Variants in COL5A2 observed in about 807,000 individuals in gnomAD.
The protein encoded by COL5A2 is collagen type V alpha 2 chain.
A neutral mutation model predicts 208.2 loss-of-function variants in COL5A2; 23 were observed. The observed-to-expected ratio is 0.11, with a 90% confidence interval of 0.08 to 0.16. The LOEUF is 0.16. Among genes scored for constraint, COL5A2 ranks in the 10% least tolerant of loss-of-function variants. COL5A2 has a pLI of 1.00. For missense variants in COL5A2, 1,590 were observed against 1,956.4 expected, an observed-to-expected ratio of 0.81 and a Z score of 3.53; for synonymous variants, 625 against 628.5, an observed-to-expected ratio of 0.99 and a Z score of 0.08.
the COL5A2 span, among the ~76,000 whole-genome samples, chr2:189,254,085 C>T: frequency 2.6e-4 from 39 of 152,328 alleles, no homozygotes; most frequent in Middle Eastern, 0.017. Context: ...CATCCTGGAA[C>T]CTGTAGTGGG....
intron 7 of COL5A2, among the ~76,000 whole-genome samples, chr2:189,091,304 C>T (rs1340912073): frequency 6.6e-6 from 1 of 152,130 alleles, no homozygotes; most frequent in Non-Finnish European, 1.5e-5. Flanking sequence ...TATGAATGAG[C>T]AAAGAAAGTC....
chr2:189,141,512 A>T (rs886438917), intron 1 of COL5A2, among the ~76,000 whole-genome samples: 2 of 152,168 alleles, frequency 1.3e-5, no homozygotes, highest in African/African-American at 4.8e-5. Flanking sequence ...ATATATTAAT[A>T]TATACAATTA....
chr2:189,053,370 T>C, intron 38 of COL5A2, 54 bp downstream of exon 38: 2 of 1,440,958 alleles, frequency 1.4e-6, no homozygotes, highest in Non-Finnish European at 2.0e-6. Context: ...TCATTAAACT[T>C]ATTATAACAA....
the COL5A2 span, among the ~76,000 whole-genome samples, chr2:189,259,533 G>A: frequency 2.0e-5 from 3 of 152,114 alleles, no homozygotes; most frequent in Admixed American, 2.0e-4. Context: ...TCCCCTGTCA[G>A]TGTCTCTCTT....
the COL5A2 span, among the ~76,000 whole-genome samples, chr2:189,266,207 C>G: frequency 2.0e-5 from 3 of 152,084 alleles, no homozygotes; most frequent in Non-Finnish European, 4.4e-5. Context: ...ATGGGCTGAT[C>G]ATGAGGTCAG....
the COL5A2 span, among the ~76,000 whole-genome samples, chr2:189,330,390 C>CA: frequency 1.2e-4 from 18 of 152,206 alleles, no homozygotes; most frequent in Admixed American, 3.3e-4. Context: ...AGCAGCCTAC[C>CA]AAAGGATGGA....
At chr2:189,239,113 G>T in the COL5A2 span, among the ~76,000 whole-genome samples, 1 of 152,018 alleles carries the variant, frequency 6.6e-6, no homozygotes, top group South Asian at 2.1e-4. Flanking sequence ...TTTACAAAAG[G>T]AACTACCAGA....
At chr2:189,391,341 G>A in the COL5A2 span, among the ~76,000 whole-genome samples, 3 of 152,102 alleles carry the variant, frequency 2.0e-5, no homozygotes, top group East Asian at 5.8e-4. Flanking sequence ...TAGGCTGTAT[G>A]GTAGTAGGAA....
chr2:189,413,250 AT>A, the COL5A2 span, among the ~76,000 whole-genome samples: 1 of 152,202 alleles, frequency 6.6e-6, no homozygotes, highest in African/African-American at 2.4e-5. Flanking sequence ...CCCATTGTAG[AT>A]ATAATTCCTC....
the COL5A2 span, among the ~76,000 whole-genome samples, chr2:189,352,142 C>G: frequency 6.6e-6 from 1 of 152,062 alleles, no homozygotes; most frequent in East Asian, 1.9e-4. Context: ...ATCCTTTTTT[C>G]AGGGTTGCAT....
Position 189,068,052 on chromosome 2 carries a change from T to C in COL5A2, c.1364A>G (p.Gln455Arg). Residue 455 changes from glutamine (Q) to arginine (R), a missense_variant, in exon 21 of 54, where the codon CAG (glutamine) becomes CGG (arginine). Gln to Arg is a conservative substitution (Grantham distance 43). Transcript: ENST00000374866. ...AATTCCCTGAGGACCAGTGCTACCC[T>C]GAGGTCCTGGAGATCCAGGAGGCCC... ...SAGPPGSPGP[Q>R]GSTGPQGIRG... 6.2e-7 allele frequency: 1 copy of C among 1,614,076 alleles called. No homozygotes were observed. Among genetic ancestry groups the C allele is most frequent in the Non-Finnish European group, 8.5e-7 (1 of 1,179,984 alleles).
chr2:189,300,304 C>T, the COL5A2 span, among the ~76,000 whole-genome samples: 2 of 152,194 alleles, frequency 1.3e-5, no homozygotes, highest in African/African-American at 2.4e-5. Context: ...ATCCACTCTA[C>T]ACATTCTCAG....
the COL5A2 span, among the ~76,000 whole-genome samples, chr2:189,242,325 C>T: frequency 6.6e-6 from 1 of 152,098 alleles, no homozygotes; most frequent in Non-Finnish European, 1.5e-5. Flanking sequence ...TTGTAAATAA[C>T]CCTGTATGGT....
chr2:189,237,152 C>T, the COL5A2 span, among the ~76,000 whole-genome samples: 2 of 151,686 alleles, frequency 1.3e-5, no homozygotes, highest in Non-Finnish European at 2.9e-5. Context: ...CTGTTTACCT[C>T]AGTTCAAGAA....
Position 189,063,211 on chromosome 2 carries a change from C to G in COL5A2, c.1830G>C (p.Gln610His). The change falls in exon 27 of 54, where the codon CAG becomes CAC. Residue 610 changes from glutamine to histidine, a missense_variant. Gln to His is a conservative substitution (Grantham distance 24). Coordinates refer to ENST00000374866, the MANE Select transcript of COL5A2 (RefSeq NM_000393.5). ...GGCCTGGAAGGCCCATGCTCCCGGG[C>G]TGCCCTCTGATTCCTATGGAGCCTG... ...GPPGSIGIRG[Q>H]PGSMGLPGPK... 6.2e-7 allele frequency: 1 copy of G among 1,614,226 alleles called. No homozygotes were observed. Among genetic ancestry groups the G allele is most frequent in the African/African-American group, 1.3e-5 (1 of 75,052 alleles).
intron 1 of COL5A2, among the ~76,000 whole-genome samples, chr2:189,146,220 A>C (rs1488363773): frequency 6.6e-6 from 1 of 152,186 alleles, no homozygotes; most frequent in Non-Finnish European, 1.5e-5. Flanking sequence ...GAATGAAGAT[A>C]GAATAATTAG....
At chr2:189,170,217 T>G (rs1688546215) in intron 1 of COL5A2, among the ~76,000 whole-genome samples, 1 of 152,174 alleles carries the variant, frequency 6.6e-6, no homozygotes, top group Admixed American at 6.5e-5. Flanking sequence ...AATATGGAAA[T>G]ACAATTTCCA....
chr2:189,257,268 T>C, the COL5A2 span, among the ~76,000 whole-genome samples: 1 of 152,332 alleles, frequency 6.6e-6, no homozygotes, highest in South Asian at 2.1e-4. Context: ...ATAGAAAATG[T>C]ATTTTATAGA....
intron 1 of COL5A2, among the ~76,000 whole-genome samples, chr2:189,113,155 T>A (rs1687316215): frequency 6.6e-6 from 1 of 152,052 alleles, no homozygotes; most frequent in African/African-American, 2.4e-5. Flanking sequence ...TGTGGCTGGG[T>A]GTAGTGGCTC....
Sources: gnomAD v4.1 joint callset for allele counts (sites outside exome capture counted in the v4.1 genomes callset) on GRCh38, gnomAD v4.1.1 for gene constraint, MANE v1.5 for transcripts, NCBI Gene and HGNC (gene_info 2026-07-23, HGNC 2026-07-21) for gene names.